The following CSMD1 variants were observed in gnomAD, a reference collection of about 807,000 sequenced individuals.
CSMD1 encodes CUB and sushi domain-containing protein 1.
In CSMD1, 213 loss-of-function variants were observed where a neutral mutation model predicts 417.5. The observed-to-expected ratio is 0.51, with a 90% CI of 0.46 to 0.57. The LOEUF (loss-of-function observed/expected upper bound fraction) is 0.57, where lower values mean the gene tolerates loss of function less well. CSMD1 is among the 20% of genes least tolerant of loss of function. The probability of loss-of-function intolerance (pLI) is 0.00; values close to 1 mark genes in which losing one functional copy is unlikely to be tolerated. For missense variants in CSMD1, 6,923 were observed against 4,529.7 expected (o/e 1.53, Z -15.17); for synonymous variants, 2,862 against 1,736.8 (o/e 1.65, Z -16.11).
At chr8:3,947,118 A>G (rs1254147872) in intron 5 of CSMD1, among the ~76,000 whole-genome samples, 2 of 152,206 alleles carry the variant, frequency 1.3e-5, no homozygotes. Context: ...TTTATGAGGA[A>G]TTGATTCAGT....
chr8:3,301,699 G>A (rs996805291), intron 25 of CSMD1, among the ~76,000 whole-genome samples: 2 of 152,102 alleles, frequency 1.3e-5, no homozygotes, highest in Non-Finnish European at 2.9e-5. Flanking sequence ...AGATACACCT[G>A]GAAAGCCGCA....
intron 2 of CSMD1, among the ~76,000 whole-genome samples, chr8:4,541,637 A>T (rs1010838902): frequency 6.6e-6 from 1 of 152,084 alleles, no homozygotes; most frequent in African/African-American, 2.4e-5. Context: ...AATCCCAACT[A>T]CTCAGGAGGC....
At chr8:3,975,072 G>T (rs192553551) in intron 5 of CSMD1, among the ~76,000 whole-genome samples, 1 of 152,078 alleles carries the variant, frequency 6.6e-6, no homozygotes, top group Non-Finnish European at 1.5e-5. Flanking sequence ...GTACACTGAA[G>T]TTTATTTCTT....
At chr8:4,865,024 T>C (rs1585232326) in intron 1 of CSMD1, among the ~76,000 whole-genome samples, 1 of 151,516 alleles carries the variant, frequency 6.6e-6, no homozygotes, top group Non-Finnish European at 1.5e-5. Context: ...AAAATTTTAT[T>C]TTTGTGTTTG....
At chr8:3,857,567 T>C (rs945109151) in intron 5 of CSMD1, among the ~76,000 whole-genome samples, 3 of 152,180 alleles carry the variant, frequency 2.0e-5, no homozygotes, top group Non-Finnish European at 4.4e-5. Context: ...CTTCCACACC[T>C]GTTCTGTTTC....
rs371456959 is a variant in CSMD1, at chr8:3,602,434, G to A, written c.1097+14276C>T. Among the ~76,000 whole-genome samples the A allele has an allele frequency of 1.4e-3, 220 of 152,214 alleles. 1 individual carries two copies. Among genetic ancestry groups the A allele is most frequent in the African/African-American group, 4.9e-3 (205 of 41,542 alleles). On this transcript the variant is annotated intron_variant, in intron 8 of 69. Transcript: ENST00000635120. ...AGGAATTAGAAAAATTAGGGAGCAGGGGGAATGGCCCCAAAATCAATGCAC... is the reference window on the plus strand; with the variant it reads ...AGGAATTAGAAAAATTAGGGAGCAGAGGGAATGGCCCCAAAATCAATGCAC...
intron 46 of CSMD1, among the ~76,000 whole-genome samples, chr8:3,097,886 C>T (rs545463498): frequency 2.6e-5 from 4 of 152,264 alleles, no homozygotes; most frequent in Non-Finnish European, 4.4e-5. Flanking sequence ...TCAGCAGGAG[C>T]CCTGATTCCT....
intron 3 of CSMD1, among the ~76,000 whole-genome samples, chr8:4,094,564 C>G (rs1302103484): frequency 6.6e-6 from 1 of 152,090 alleles, no homozygotes; most frequent in Non-Finnish European, 1.5e-5. Flanking sequence ...TAGACGCCCA[C>G]ATGAAAATAG....
At chr8:3,593,374 T>C (rs973948013) in intron 8 of CSMD1, among the ~76,000 whole-genome samples, 7 of 152,214 alleles carry the variant, frequency 4.6e-5, no homozygotes, top group African/African-American at 1.2e-4. Context: ...GAGCCCGTGA[T>C]GGAGAAGGTC....
chr8:4,893,970 AC>A (rs1353659291), intron 1 of CSMD1, among the ~76,000 whole-genome samples: 2 of 152,072 alleles, frequency 1.3e-5, no homozygotes, highest in African/African-American at 4.8e-5. Flanking sequence ...TTTTTTAGGT[AC>A]AGATTTTCAA....
At chr8:3,233,580 A>G (rs564948439) in intron 26 of CSMD1, among the ~76,000 whole-genome samples, 1 of 152,358 alleles carries the variant, frequency 6.6e-6, no homozygotes, top group East Asian at 1.9e-4. Flanking sequence ...TAGTAAGGAC[A>G]TGTGATGGCT....
At chr8:4,704,277 G>C (rs1350053067) in intron 1 of CSMD1, among the ~76,000 whole-genome samples, 2 of 152,194 alleles carry the variant, frequency 1.3e-5, no homozygotes, top group Non-Finnish European at 2.9e-5. Flanking sequence ...TTGGAAAACA[G>C]AGACTTTTAC....
At chr8:3,870,977 G>A (rs1170109962) in intron 5 of CSMD1, among the ~76,000 whole-genome samples, 4 of 150,616 alleles carry the variant, frequency 2.7e-5, no homozygotes, top group African/African-American at 9.7e-5. Context: ...TTAAATATAA[G>A]TTAATTTTTT....
rs561054776 is a variant in CSMD1 at position 4,365,808 on chromosome 8, G to C, written c.415+54145C>G. 3.9e-5 allele frequency among the ~76,000 whole-genome samples: 6 copies of C among 152,094 alleles called. No homozygotes were observed. In the East Asian group the frequency reaches 1.2e-3, roughly 29 times the overall value. ...ATTACTCTTGGCATTACCCTCCAGA[G>C]GTTTTGATCTTTTGACTTTTCTAGA... On this transcript the variant is annotated intron_variant, in intron 3 of 69. Coordinates refer to ENST00000635120, the MANE Select transcript of CSMD1 (RefSeq NM_033225.6).
At chr8:4,247,137 C>A (rs1436514706) in intron 3 of CSMD1, among the ~76,000 whole-genome samples, 1 of 152,200 alleles carries the variant, frequency 6.6e-6, no homozygotes, top group African/African-American at 2.4e-5. Flanking sequence ...ATCACACCGT[C>A]CTCAATATTG....
At chr8:3,238,990 C>T (rs1268563961) in intron 26 of CSMD1, among the ~76,000 whole-genome samples, 2 of 151,990 alleles carry the variant, frequency 1.3e-5, no homozygotes, top group African/African-American at 4.8e-5. Context: ...GGGGCACAGT[C>T]AAAGTTGGTG....
chr8:3,157,300 C>G lies in CSMD1; in HGVS notation c.5914+597G>C, dbSNP rs148121305. Among the ~76,000 whole-genome samples, 410 of 152,250 alleles carry G rather than the reference C, an allele frequency of 2.7e-3. 3 individuals are homozygous for G. Among genetic ancestry groups the G allele is most frequent in the African/African-American group, 9.2e-3 (383 of 41,550 alleles). On this transcript the variant is annotated intron_variant, in intron 39 of 69. Transcript: ENST00000635120. ...CTGAGGGACTTGTGACCACCACCTT[C>G]AATGCCCCTGGAATCATTAAACTCC...
intron 3 of CSMD1, among the ~76,000 whole-genome samples, chr8:4,066,619 T>C (rs1799263934): frequency 6.6e-6 from 1 of 152,224 alleles, no homozygotes; most frequent in South Asian, 2.1e-4. Flanking sequence ...ATGTACCACA[T>C]TACTAACCAC....
intron 5 of CSMD1, among the ~76,000 whole-genome samples, chr8:3,937,601 G>A (rs1008715065): frequency 1.3e-5 from 2 of 152,012 alleles, no homozygotes; most frequent in African/African-American, 4.8e-5. Flanking sequence ...TATGCACTGG[G>A]GAACCCACAA....
Sources: allele counts gnomAD v4.1 joint callset (sites outside exome capture counted in the v4.1 genomes callset), GRCh38; gene constraint gnomAD v4.1.1; transcripts MANE v1.5; gene names NCBI Gene and HGNC (gene_info 2026-07-23, HGNC 2026-07-21).